Variants in ABTB3 observed in about 807,000 individuals in gnomAD.
ABTB3 encodes the protein ankyrin repeat and BTB domain containing 3.
the ABTB3 span, among the ~76,000 whole-genome samples, chr12:107,404,837 G>A: frequency 3.3e-5 from 5 of 152,190 alleles, no homozygotes; most frequent in African/African-American, 1.2e-4. Flanking sequence ...AGTAGCTACT[G>A]TGTCCCAAAT....
the ABTB3 span, among the ~76,000 whole-genome samples, chr12:107,441,269 AC>A: frequency 2.6e-5 from 4 of 152,246 alleles, no homozygotes; most frequent in Non-Finnish European, 4.4e-5. Flanking sequence ...ACCATGGAAT[AC>A]TATGCAGCCA....
chr12:107,405,759 A>G, the ABTB3 span, among the ~76,000 whole-genome samples: 1 of 152,198 alleles, frequency 6.6e-6, no homozygotes, highest in African/African-American at 2.4e-5. Context: ...CCTGCCCAGG[A>G]TTGGTGCAAT....
At chr12:107,499,093 A>G in the ABTB3 span, among the ~76,000 whole-genome samples, 3 of 152,162 alleles carry the variant, frequency 2.0e-5, no homozygotes, top group Non-Finnish European at 4.4e-5. Flanking sequence ...TCTCATGCCC[A>G]GGTCTTGGCA....
chr12:107,623,538 T>C, the ABTB3 span, among the ~76,000 whole-genome samples: 1 of 152,048 alleles, frequency 6.6e-6, no homozygotes, highest in African/African-American at 2.4e-5. Context: ...GGCTAATTTT[T>C]ATATTTTTGG....
the ABTB3 span, among the ~76,000 whole-genome samples, chr12:107,656,290 G>A: frequency 5.1e-5 from 7 of 137,300 alleles, no homozygotes; most frequent in African/African-American, 2.0e-4. Flanking sequence ...CACAGAGTGA[G>A]GCTCTGTCAA....
At chr12:107,591,891 G>A in the ABTB3 span, among the ~76,000 whole-genome samples, 2 of 152,178 alleles carry the variant, frequency 1.3e-5, no homozygotes, top group East Asian at 1.9e-4. Flanking sequence ...ACCTGCCCAC[G>A]GTTACATGGA....
At chr12:107,562,368 A>G in the ABTB3 span, among the ~76,000 whole-genome samples, 16 of 152,272 alleles carry the variant, frequency 1.1e-4, no homozygotes, top group African/African-American at 3.6e-4. Flanking sequence ...CTCTAAGGAG[A>G]CAGCATTGGA....
chr12:107,415,999 C>T, the ABTB3 span, among the ~76,000 whole-genome samples: 217 of 152,206 alleles, frequency 1.4e-3, no homozygotes, highest in Non-Finnish European at 2.1e-3. Context: ...TGGCATTTTA[C>T]GCTCTGTTTC....
At chr12:107,483,129 G>T in the ABTB3 span, among the ~76,000 whole-genome samples, 15 of 151,766 alleles carry the variant, frequency 9.9e-5, no homozygotes, top group Admixed American at 9.2e-4. Context: ...CTAGGCTTGA[G>T]TGATCCTCCC....
the ABTB3 span, among the ~76,000 whole-genome samples, chr12:107,516,756 T>G: frequency 0.39 from 58,984 of 152,084 alleles, 12,047 homozygotes; most frequent in African/African-American, 0.5. Context: ...TGCTGAGGCC[T>G]TGTGGTTCAG....
the ABTB3 span, among the ~76,000 whole-genome samples, chr12:107,420,264 C>T: frequency 6.6e-6 from 1 of 152,150 alleles, no homozygotes; most frequent in African/African-American, 2.4e-5. Context: ...AACCCTTCTG[C>T]ATTCTTGGTG....
chr12:107,407,190 C>T, the ABTB3 span, among the ~76,000 whole-genome samples: 17 of 152,170 alleles, frequency 1.1e-4, no homozygotes, highest in Admixed American at 1.1e-3. Context: ...ATAAAATAGT[C>T]CCCAGCTCAC....
At chr12:107,366,714 G>T in the ABTB3 span, among the ~76,000 whole-genome samples, 1 of 152,298 alleles carries the variant, frequency 6.6e-6, no homozygotes, top group Non-Finnish European at 1.5e-5. Context: ...GTGGAAAATA[G>T]ACAATTTTAT....
chr12:107,431,176 T>C, the ABTB3 span, among the ~76,000 whole-genome samples: 2 of 152,356 alleles, frequency 1.3e-5, no homozygotes, highest in African/African-American at 4.8e-5. Flanking sequence ...AAAGGTCTCA[T>C]TCAATTTGAT....
chr12:107,342,892 C>G, the ABTB3 span, among the ~76,000 whole-genome samples: 139 of 152,286 alleles, frequency 9.1e-4, 2 homozygotes, highest in East Asian at 0.015. Context: ...TGTAATACAG[C>G]TTGGGCAATG....
At chr12:107,540,410 TCA>T in the ABTB3 span, among the ~76,000 whole-genome samples, 2 of 152,188 alleles carry the variant, frequency 1.3e-5, no homozygotes, top group Non-Finnish European at 2.9e-5. Flanking sequence ...CAGGTCTTCC[TCA>T]CTCAGCCCAC....
At chr12:107,431,557 C>G in the ABTB3 span, among the ~76,000 whole-genome samples, 1 of 152,082 alleles carries the variant, frequency 6.6e-6, no homozygotes, top group East Asian at 1.9e-4. Flanking sequence ...TGCAGTGAGC[C>G]GAGATTGCAC....
the ABTB3 span, among the ~76,000 whole-genome samples, chr12:107,656,874 A>C: frequency 6.6e-6 from 1 of 152,038 alleles, no homozygotes; most frequent in Non-Finnish European, 1.5e-5. Flanking sequence ...AAGAATGAAA[A>C]GATTTCTAAG....
chr12:107,338,067 T>C, the ABTB3 span, among the ~76,000 whole-genome samples: 1,193 of 152,250 alleles, frequency 7.8e-3, 23 homozygotes, highest in African/African-American at 0.027. Context: ...CCATTTTTTT[T>C]CCCCAGAACA....
Sources: allele counts gnomAD v4.1 joint callset (sites outside exome capture counted in the v4.1 genomes callset), GRCh38; gene constraint gnomAD v4.1.1; transcripts MANE v1.5; gene names NCBI Gene and HGNC (gene_info 2026-07-23, HGNC 2026-07-21).